Variants in SPMIP2 observed in about 807,000 individuals in gnomAD.
SPMIP2 encodes sperm microtubule inner protein 2.
At chr4:158,953,821 T>C in the SPMIP2 span, among the ~76,000 whole-genome samples, 15 of 152,300 alleles carry the variant, frequency 9.8e-5, no homozygotes, top group East Asian at 2.3e-3. Flanking sequence ...GCTTTATAAT[T>C]TGACCGCTCC....
the SPMIP2 span, among the ~76,000 whole-genome samples, chr4:158,992,611 A>G: frequency 6.6e-6 from 1 of 152,198 alleles, no homozygotes; most frequent in Non-Finnish European, 1.5e-5. Context: ...TAACTTGTAA[A>G]GAACAGAAAT....
chr4:159,058,614 G>A, the SPMIP2 span, among the ~76,000 whole-genome samples: 3 of 152,104 alleles, frequency 2.0e-5, no homozygotes, highest in Admixed American at 1.3e-4. Context: ...TAAGAGCTCT[G>A]AAGTCTCTTT....
chr4:158,944,913 C>A, the SPMIP2 span, among the ~76,000 whole-genome samples: 2 of 152,198 alleles, frequency 1.3e-5, no homozygotes, highest in Non-Finnish European at 2.9e-5. Context: ...CATCTATCTT[C>A]CATCCAAAAT....
the SPMIP2 span, among the ~76,000 whole-genome samples, chr4:158,965,666 T>C: frequency 1.5e-5 from 1 of 68,628 alleles, no homozygotes; most frequent in East Asian, 3.3e-4. Context: ...TAAGTTTCTA[T>C]TTAAAAAAAA....
the SPMIP2 span, among the ~76,000 whole-genome samples, chr4:158,896,699 T>A: frequency 1.3e-5 from 2 of 152,120 alleles, no homozygotes; most frequent in African/African-American, 4.8e-5. Context: ...AGATTATTCT[T>A]ACATACTTTA....
At chr4:159,002,515 A>G in the SPMIP2 span, among the ~76,000 whole-genome samples, 47 of 152,274 alleles carry the variant, frequency 3.1e-4, no homozygotes, top group Admixed American at 1.1e-3. Flanking sequence ...TACTGTGCCC[A>G]GCCTAAATAA....
At chr4:158,921,466 G>C in the SPMIP2 span, among the ~76,000 whole-genome samples, 7 of 151,892 alleles carry the variant, frequency 4.6e-5, no homozygotes, top group African/African-American at 1.4e-4. Flanking sequence ...AAAGGAAAAA[G>C]AAAAAGAAAA....
At chr4:158,897,976 AC>A in the SPMIP2 span, among the ~76,000 whole-genome samples, 3 of 152,218 alleles carry the variant, frequency 2.0e-5, no homozygotes, top group Non-Finnish European at 2.9e-5. Context: ...TTTAGGTCTT[AC>A]ATTTAAGTCT....
the SPMIP2 span, among the ~76,000 whole-genome samples, chr4:158,898,630 C>T: frequency 2.0e-5 from 3 of 152,094 alleles, no homozygotes; most frequent in Admixed American, 1.3e-4. Context: ...TGTGATTTGG[C>T]TCTCTGTCTG....
At chr4:159,048,775 C>T in the SPMIP2 span, among the ~76,000 whole-genome samples, 1 of 134,184 alleles carries the variant, frequency 7.5e-6, no homozygotes, top group Non-Finnish European at 1.5e-5. Context: ...CCCTATGTTG[C>T]CCAGGTTGGA....
At chr4:159,082,802 G>T in the SPMIP2 span, among the ~76,000 whole-genome samples, 1 of 152,042 alleles carries the variant, frequency 6.6e-6, no homozygotes, top group African/African-American at 2.4e-5. Flanking sequence ...AACTATTTGG[G>T]CCAGGTACAT....
At chr4:158,960,680 G>A in the SPMIP2 span, among the ~76,000 whole-genome samples, 4 of 152,102 alleles carry the variant, frequency 2.6e-5, no homozygotes, top group African/African-American at 7.2e-5. Flanking sequence ...CTAAACTACT[G>A]TCATTAGACT....
the SPMIP2 span, among the ~76,000 whole-genome samples, chr4:159,052,610 C>CTATTAT: frequency 0.012 from 1,724 of 149,226 alleles, 10 homozygotes; most frequent in Middle Eastern, 0.035. Context: ...TATCTCAAGA[C>CTATTAT]TATTATTATT....
the SPMIP2 span, among the ~76,000 whole-genome samples, chr4:159,022,484 C>T: frequency 6.6e-6 from 1 of 152,200 alleles, no homozygotes; most frequent in Non-Finnish European, 1.5e-5. Context: ...AGAACATACA[C>T]AGCTCCTACT....
the SPMIP2 span, among the ~76,000 whole-genome samples, chr4:158,996,780 A>G: frequency 6.6e-6 from 1 of 152,158 alleles, no homozygotes; most frequent in African/African-American, 2.4e-5. Flanking sequence ...GGGTGTGTGT[A>G]TGTTTAATCA....
chr4:158,914,953 C>T, the SPMIP2 span, among the ~76,000 whole-genome samples: 1 of 152,172 alleles, frequency 6.6e-6, no homozygotes, highest in Non-Finnish European at 1.5e-5. Context: ...GAGGACACAA[C>T]CTCTTGTTTT....
the SPMIP2 span, among the ~76,000 whole-genome samples, chr4:158,964,618 T>C: frequency 0.53 from 80,511 of 151,738 alleles, 22,502 homozygotes; most frequent in South Asian, 0.64. Context: ...AAAAATTCTT[T>C]GACTGGCTAT....
chr4:159,010,561 C>T, the SPMIP2 span, among the ~76,000 whole-genome samples: 1 of 152,178 alleles, frequency 6.6e-6, no homozygotes, highest in Non-Finnish European at 1.5e-5. Flanking sequence ...GTTCATGTAA[C>T]AACATTCCCA....
the SPMIP2 span, among the ~76,000 whole-genome samples, chr4:159,033,010 G>A: frequency 1.3e-5 from 2 of 152,070 alleles, no homozygotes; most frequent in Non-Finnish European, 2.9e-5. Context: ...GTACATAGAA[G>A]CATTTCTCAC....
Sources: allele counts gnomAD v4.1 joint callset (sites outside exome capture counted in the v4.1 genomes callset), GRCh38; gene constraint gnomAD v4.1.1; transcripts MANE v1.5; gene names NCBI Gene and HGNC (gene_info 2026-07-23, HGNC 2026-07-21).